Variants in WDR17 observed in about 807,000 individuals in gnomAD.
The protein encoded by WDR17 is WD repeat-containing protein 17.
Under a neutral mutation model 161.7 loss-of-function variants are expected in WDR17, and 143 were observed. That is an observed-to-expected ratio of 0.88 (90% CI 0.77 to 1.02). WDR17 has a LOEUF of 1.02. Among genes scored for constraint, WDR17 ranks in the 50% least tolerant of loss-of-function variants. WDR17 has a pLI of 0.00. For synonymous variants in WDR17, 517 were observed against 515.6 expected, an observed-to-expected ratio of 1.00 and a Z score of -0.04; for missense variants, 1,469 against 1,520.9, an observed-to-expected ratio of 0.97 and a Z score of 0.57.
intron 17 of WDR17, among the ~76,000 whole-genome samples, chr4:176,155,096 T>G (rs10012282): frequency 6.6e-6 from 1 of 152,088 alleles, no homozygotes; most frequent in South Asian, 2.1e-4. Flanking sequence ...TAAGTAGCAG[T>G]GAAATAAAAA....
intron 26 of WDR17, among the ~76,000 whole-genome samples, chr4:176,174,945 A>C (rs1339079277): frequency 6.6e-6 from 1 of 152,210 alleles, no homozygotes; most frequent in Non-Finnish European, 1.5e-5. Flanking sequence ...TTGATCTTTC[A>C]TGTCAAGACA....
chr4:176,120,284 A>G (rs76801316), intron 4 of WDR17, among the ~76,000 whole-genome samples, 187 bp downstream of exon 4: 7,191 of 105,722 alleles, frequency 0.068, 265 homozygotes, highest in Middle Eastern at 0.1. Context: ...ATTCATTTGA[A>G]GTTTTATATA....
At chr4:176,128,412 C>CA (rs113686791) in intron 5 of WDR17, among the ~76,000 whole-genome samples, 37,535 of 151,898 alleles carry the variant, frequency 0.25, 4,759 homozygotes, top group South Asian at 0.28. Context: ...TGTGGCTGGC[C>CA]TTTCCTAGAA....
rs1162929004 is a variant in WDR17 at position 176,179,965 on chromosome 4, T to C, written c.*386T>C. The stretch of plus-strand genomic sequence containing the variant: ...ATAGTGCTAGACATACAGTAAGTAC[T>C]TAATGGATATTTGAATGATTGAATA... On this transcript the variant is annotated 3_prime_UTR_variant, in exon 29 of 29. Transcript: ENST00000508596. 6.6e-6 allele frequency: 1 copy of C among 152,236 alleles called. No homozygotes were observed. Among genetic ancestry groups the C allele is most frequent in the African/African-American group, 2.4e-5 (1 of 41,444 alleles). 9.4% of individuals were successfully genotyped at this position (152,236 alleles called of 1,614,324 possible).
At chr4:176,083,210 C>T (rs1734985458) in intron 1 of WDR17, among the ~76,000 whole-genome samples, 1 of 152,054 alleles carries the variant, frequency 6.6e-6, no homozygotes, top group African/African-American at 2.4e-5. Context: ...ATTAGGGATT[C>T]TGGCTAGGAA....
At position 176,115,898 on chromosome 4, in the gene WDR17, G is replaced by T. The variant is rs769302447; in HGVS notation, c.226G>T (p.Ala76Ser). Reference sequence around the variant, plus strand: ...GTGTCCACATAATCCTGATCTGTTTGCAAGTGGCAGTACTGATAATTTAGT... The same window carrying T: ...GTGTCCACATAATCCTGATCTGTTTTCAAGTGGCAGTACTGATAATTTAGT... ...SWCPHNPDLF[A>S]SGSTDNLVII... Residue 76 changes from alanine (A) to serine (S), a missense_variant, in exon 3 of 29, where the codon GCA becomes TCA. Physicochemically the swap from Ala to Ser is moderately conservative, Grantham distance 99 (BLOSUM62 1). Coordinates refer to ENST00000508596, the MANE Select transcript of WDR17 (RefSeq NM_181265.4). 2.5e-6 allele frequency: 4 copies of T among 1,611,422 alleles called. No individual in the cohort carries two copies. Among genetic ancestry groups the T allele is most frequent in the Non-Finnish European group, 3.4e-6 (4 of 1,178,490 alleles).
intron 1 of WDR17, among the ~76,000 whole-genome samples, chr4:176,067,377 A>G (rs1371857014): frequency 1.3e-5 from 2 of 152,230 alleles, no homozygotes; most frequent in African/African-American, 4.8e-5. Context: ...GAAGTTTTAA[A>G]GCAATGACTT....
chr4:176,119,345 G>T (rs962878938), intron 3 of WDR17, among the ~76,000 whole-genome samples: 1 of 152,036 alleles, frequency 6.6e-6, no homozygotes, highest in African/African-American at 2.4e-5. Flanking sequence ...TCTGAGGCAA[G>T]GCTTAGATTT....
At chr4:176,154,801 T>A (rs1395919775) in intron 17 of WDR17, among the ~76,000 whole-genome samples, 5 of 152,210 alleles carry the variant, frequency 3.3e-5, no homozygotes. Flanking sequence ...AGAACCCTAG[T>A]GTTTTGAAAA....
At chr4:176,179,037 T>C (rs1199975789) in intron 28 of WDR17, among the ~76,000 whole-genome samples, 1 of 152,156 alleles carries the variant, frequency 6.6e-6, no homozygotes, top group Admixed American at 6.6e-5. Context: ...ACATATAAAG[T>C]TTCTGGCTTA....
chr4:176,109,464 C>T (rs1419095717), intron 1 of WDR17, among the ~76,000 whole-genome samples: 2 of 152,100 alleles, frequency 1.3e-5, no homozygotes, highest in African/African-American at 2.4e-5. Context: ...TTTGTCATGC[C>T]AGCTTGTACT....
chr4:176,075,854 T>C (rs1388769295), intron 1 of WDR17, among the ~76,000 whole-genome samples: 1 of 151,904 alleles, frequency 6.6e-6, no homozygotes, highest in Non-Finnish European at 1.5e-5. Flanking sequence ...TAGTGTGTGC[T>C]GTAGTCTCAG....
intron 1 of WDR17, among the ~76,000 whole-genome samples, chr4:176,074,149 T>C (rs1733637550): frequency 6.6e-6 from 1 of 151,812 alleles, no homozygotes; most frequent in Admixed American, 6.6e-5. Flanking sequence ...CCATTGCTTT[T>C]GGTGTTTTAG....
chr4:176,093,230 A>C (rs963485246), intron 1 of WDR17, among the ~76,000 whole-genome samples: 3 of 152,230 alleles, frequency 2.0e-5, no homozygotes, highest in Non-Finnish European at 4.4e-5. Flanking sequence ...AAGGATTGAA[A>C]GAATCAGTAT....
chr4:176,173,662 G>A (rs956553335), intron 25 of WDR17, among the ~76,000 whole-genome samples: 6 of 151,852 alleles, frequency 4.0e-5, no homozygotes, highest in Non-Finnish European at 7.4e-5. Context: ...TACTACAGGC[G>A]CCCGCCACCA....
rs758304586 is a variant in WDR17, at chr4:176,151,951, T to C, written c.2444T>C (p.Met815Thr). 5.6e-6 allele frequency: 9 copies of C among 1,612,400 alleles called. No homozygotes were observed. The highest frequency in any genetic ancestry group is 2.2e-5 in the South Asian group (2 of 90,500). Residue 815 changes from methionine to threonine, a missense_variant, in exon 17 of 29, where the codon ATG becomes ACG. Transcript: ENST00000508596. Reference protein sequence around the residue: ...LGQIQRYCELMVELGEWDKAL... With the variant: ...LGQIQRYCELTVELGEWDKAL... ...CAAATTCAGAGATACTGTGAACTTATGGTTGAACTTGGAGAGGTAATGTGC... is the reference window on the plus strand; with the variant it reads ...CAAATTCAGAGATACTGTGAACTTACGGTTGAACTTGGAGAGGTAATGTGC...
chr4:176,124,637 G>A (rs1373798415), intron 4 of WDR17, among the ~76,000 whole-genome samples: 1 of 152,276 alleles, frequency 6.6e-6, no homozygotes, highest in East Asian at 1.9e-4. Flanking sequence ...GGGAGATTAA[G>A]TATCTTGTCT....
chr4:176,067,130 T>C (rs891166150), intron 1 of WDR17, among the ~76,000 whole-genome samples: 1 of 152,178 alleles, frequency 6.6e-6, no homozygotes, highest in Non-Finnish European at 1.5e-5. Flanking sequence ...TACATCCTTT[T>C]GAGATTCTGC....
At chr4:176,070,899 C>A (rs1733148434) in intron 1 of WDR17, among the ~76,000 whole-genome samples, 1 of 152,140 alleles carries the variant, frequency 6.6e-6, no homozygotes, top group Non-Finnish European at 1.5e-5. Context: ...CCCAAACTGA[C>A]TTGCCAAAAT....
Sources: gnomAD v4.1 joint callset for allele counts (sites outside exome capture counted in the v4.1 genomes callset) on GRCh38, gnomAD v4.1.1 for gene constraint, MANE v1.5 for transcripts, NCBI Gene and HGNC (gene_info 2026-07-23, HGNC 2026-07-21) for gene names.